Variants in SLC9C2 observed in about 807,000 individuals in gnomAD.
SLC9C2 encodes sodium/hydrogen exchanger 11.
SLC9C2 carries 75 observed loss-of-function variants against 140.2 expected under a neutral mutation model. The observed-to-expected ratio is 0.53, with a 90% CI of 0.44 to 0.65. The LOEUF (loss-of-function observed/expected upper bound fraction) is 0.65. Among genes scored for constraint, SLC9C2 ranks in the 30% least tolerant of loss-of-function variants. SLC9C2 has a pLI of 0.00. For synonymous variants in SLC9C2, 375 were observed against 420.9 expected, an observed-to-expected ratio of 0.89 and a Z score of 1.34; for missense variants, 1,074 against 1,331.8, an observed-to-expected ratio of 0.81 and a Z score of 3.01.
At chr1:173,526,955 C>A (rs910761702) in intron 18 of SLC9C2, among the ~76,000 whole-genome samples, 2 of 152,060 alleles carry the variant, frequency 1.3e-5, no homozygotes, top group Non-Finnish European at 2.9e-5. Flanking sequence ...AAGTTATTCT[C>A]GTGCCTCAGC....
intron 9 of SLC9C2, 82 bp downstream of exon 9, chr1:173,573,100 G>T: frequency 2.0e-6 from 2 of 1,013,534 alleles, no homozygotes; most frequent in Non-Finnish European, 2.8e-6. Flanking sequence ...AGCCCTTTTT[G>T]CTGTATGCCA....
chr1:173,542,722 C>T (rs534438874), intron 13 of SLC9C2, among the ~76,000 whole-genome samples: 182 of 152,144 alleles, frequency 1.2e-3, no homozygotes, highest in Non-Finnish European at 2.0e-3. Flanking sequence ...AATCAATAAA[C>T]GTAATCCATT....
At position 173,587,835 on chromosome 1, in the gene SLC9C2, G is replaced by A; in HGVS notation, c.358-5C>T. 3 of 1,608,046 alleles carry A rather than the reference G, an allele frequency of 1.9e-6. No homozygotes were observed. The highest frequency in any genetic ancestry group is 2.2e-5 in the East Asian group (1 of 44,736). On this transcript the variant is annotated splice_region_variant and splice_polypyrimidine_tract_variant and intron_variant, in intron 4 of 27. Transcript: ENST00000367714. ...AATTAATCCAGTTAACAAGACCTGT[G>A]AACCAATTCATAACACAGTATTAGA...
intron 27 of SLC9C2, among the ~76,000 whole-genome samples, chr1:173,502,419 T>C (rs1041246251): frequency 1.3e-5 from 2 of 152,042 alleles, no homozygotes; most frequent in East Asian, 3.9e-4. Flanking sequence ...CCTATTAACC[T>C]GTCAGAGCCA....
intron 13 of SLC9C2, among the ~76,000 whole-genome samples, chr1:173,544,352 G>A (rs542827199): frequency 6.6e-6 from 1 of 152,276 alleles, no homozygotes; most frequent in South Asian, 2.1e-4. Context: ...AAAAAGTCAG[G>A]AAACAACAGG....
intron 4 of SLC9C2, among the ~76,000 whole-genome samples, chr1:173,591,268 A>C (rs538385451): frequency 2.6e-5 from 4 of 152,188 alleles, no homozygotes; most frequent in Admixed American, 2.6e-4. Context: ...TTCTTTATAC[A>C]ATCTGGCATT....
At chr1:173,562,968 T>C (rs894074722) in intron 9 of SLC9C2, among the ~76,000 whole-genome samples, 3 of 151,872 alleles carry the variant, frequency 2.0e-5, no homozygotes, top group Non-Finnish European at 4.4e-5. Flanking sequence ...AGGAGAACTA[T>C]ACAGTGAGAA....
At chr1:173,546,395 T>A (rs886157396) in intron 13 of SLC9C2, among the ~76,000 whole-genome samples, 3 of 151,982 alleles carry the variant, frequency 2.0e-5, no homozygotes, top group African/African-American at 7.2e-5. Context: ...TAGCTGGGCA[T>A]GGTGCCAAAA....
chr1:173,565,000 C>T (rs1664380412), intron 9 of SLC9C2, among the ~76,000 whole-genome samples: 2 of 133,980 alleles, frequency 1.5e-5, no homozygotes, highest in South Asian at 5.2e-4. Context: ...CAAAGTCTCA[C>T]TCTGTCGCCC....
chr1:173,598,132 A>C, intron 3 of SLC9C2, 100 bp from the exon 4 acceptor site: 3 of 1,289,704 alleles, frequency 2.3e-6, no homozygotes, highest in Non-Finnish European at 3.2e-6. Context: ...AGAATCTTTC[A>C]GTTTACAGCT....
chr1:173,525,463 C>T (rs537607420), intron 19 of SLC9C2, among the ~76,000 whole-genome samples: 1 of 152,328 alleles, frequency 6.6e-6, no homozygotes, highest in South Asian at 2.1e-4. Flanking sequence ...AAGGTACACA[C>T]TCTTTTCTTT....
chr1:173,575,829 C>T (rs1016839399), intron 8 of SLC9C2, among the ~76,000 whole-genome samples: 199 of 152,114 alleles, frequency 1.3e-3, no homozygotes, highest in African/African-American at 4.2e-3. Flanking sequence ...CCGCCTGCCT[C>T]GGCCTCCCAA....
chr1:173,596,812 A>G (rs191715276), intron 4 of SLC9C2: 46 of 152,248 alleles, frequency 3.0e-4, no homozygotes, highest in Admixed American at 2.9e-3. Context: ...TTTACACATA[A>G]AATTGATTTA....
At chr1:173,524,127 G>A (rs1392254573) in intron 20 of SLC9C2, 33 bp from the exon 21 acceptor site, 1 of 1,569,188 alleles carries the variant, frequency 6.4e-7, no homozygotes, top group South Asian at 1.2e-5. Context: ...ATGGGGATCA[G>A]ATCCTGTAAC....
At chr1:173,548,254 G>T in intron 12 of SLC9C2, 135 bp downstream of exon 12, 3 of 877,344 alleles carry the variant, frequency 3.4e-6, no homozygotes, top group Non-Finnish European at 5.2e-6. Context: ...CACCAAAATA[G>T]CAAAGCCAGT....
chr1:173,528,625 A>G (rs1353838643), intron 18 of SLC9C2, among the ~76,000 whole-genome samples: 1 of 152,216 alleles, frequency 6.6e-6, no homozygotes, highest in Non-Finnish European at 1.5e-5. Flanking sequence ...TCAATAAGTA[A>G]AGAGCCTCTC....
chr1:173,567,798 C>G (rs1664575711), intron 9 of SLC9C2, among the ~76,000 whole-genome samples: 1 of 151,948 alleles, frequency 6.6e-6, no homozygotes, highest in Non-Finnish European at 1.5e-5. Context: ...GATTTAATTT[C>G]TTGCTTTTAA....
At chr1:173,506,786 A>T (rs898357723) in intron 25 of SLC9C2, 70 bp downstream of exon 25, 8 of 1,276,370 alleles carry the variant, frequency 6.3e-6, no homozygotes, top group Non-Finnish European at 8.8e-6. Context: ...TAAGGTGATC[A>T]GTTGAGTTTT....
In SLC9C2 at chr1:173,517,657, A is replaced by C; in HGVS notation, c.2787T>G (p.Cys929Trp). 6.2e-7 allele frequency: 1 copy of C among 1,613,804 alleles called. No homozygotes were observed. Among genetic ancestry groups the C allele is most frequent in the Admixed American group, 1.7e-5 (1 of 59,986 alleles). Residue 929 changes from cysteine (C) to tryptophan (W), a missense_variant, in exon 23 of 28, where the codon TGT (cysteine) becomes TGG (tryptophan). Physicochemically the swap from Cys to Trp is radical, Grantham distance 215 (BLOSUM62 -2). Coordinates refer to ENST00000367714, the MANE Select transcript of SLC9C2 (RefSeq NM_178527.4). Reference sequence around the variant, plus strand: ...TAAACATGTCTCTGGACCCTCTATCACACCTTTGATTACTCTCTATTCCAA... The same window carrying C: ...TAAACATGTCTCTGGACCCTCTATCCCACCTTTGATTACTCTCTATTCCAA... ...PTFGIESNQR[C>W]DRGSRDMFTE...
Sources: gnomAD v4.1 joint callset for allele counts (sites outside exome capture counted in the v4.1 genomes callset) on GRCh38, gnomAD v4.1.1 for gene constraint, MANE v1.5 for transcripts, NCBI Gene and HGNC (gene_info 2026-07-23, HGNC 2026-07-21) for gene names.